Variants in S1PR2 observed in about 807,000 individuals in gnomAD.
S1PR2 encodes sphingosine 1-phosphate receptor 2.
A neutral mutation model predicts 16.1 loss-of-function variants in S1PR2; 9 were observed. That is an observed-to-expected ratio of 0.56 (90% CI 0.34 to 0.98). The LOEUF is 0.98. Ranked by LOEUF, S1PR2 falls within the 50% of genes least tolerant of loss-of-function variation. The probability of loss-of-function intolerance (pLI) is 0.02; values close to 1 mark genes in which losing one functional copy is unlikely to be tolerated. For synonymous variants in S1PR2, 224 were observed against 233.9 expected (o/e 0.96, Z 0.38); for missense variants, 361 against 488.4 (o/e 0.74, Z 2.46).
intron 1 of S1PR2, among the ~76,000 whole-genome samples, chr19:10,226,845 A>G (rs986102398): frequency 2.6e-5 from 4 of 151,946 alleles, no homozygotes; most frequent in African/African-American, 9.7e-5. Flanking sequence ...AGCTTTGCTG[A>G]AGTCATGTGA....
At chr19:10,225,056 G>T (rs762914426) in intron 1 of S1PR2, 109 bp from the exon 2 acceptor site, 37 of 619,692 alleles carry the variant, frequency 6.0e-5, no homozygotes, top group Non-Finnish European at 9.6e-5. Flanking sequence ...GTTACTCTTC[G>T]AGGAAGGGCC....
chr19:10,226,819 G>A (rs2039637941), intron 1 of S1PR2, among the ~76,000 whole-genome samples: 1 of 152,148 alleles, frequency 6.6e-6, no homozygotes, highest in East Asian at 1.9e-4. Flanking sequence ...GGAGGTCCTG[G>A]CTGGGAGGAT....
In S1PR2 at chr19:10,224,261, C is replaced by A. The variant is rs2145440993; in HGVS notation, c.645G>T (p.Val215=). Residue 215 remains valine, a synonymous_variant, in exon 2 of 2, where the codon GTG becomes GTT. Transcript: ENST00000646641. ...IVALYVRIYC[V]VRSSHADMAA... ...CCATGTCAGCGTGGCTTGAGCGGACCACGCAGTAGATGCGCACGTACAGGG... is the reference window on the plus strand; with the variant it reads ...CCATGTCAGCGTGGCTTGAGCGGACAACGCAGTAGATGCGCACGTACAGGG... 1.2e-6 allele frequency: 2 copies of A among 1,613,978 alleles called. No individual in the cohort carries two copies. The highest frequency in any genetic ancestry group is 1.6e-4 in the Middle Eastern group (1 of 6,062).
intron 1 of S1PR2, among the ~76,000 whole-genome samples, chr19:10,229,667 C>G (rs1361223010): frequency 6.6e-6 from 1 of 152,044 alleles, no homozygotes; most frequent in Non-Finnish European, 1.5e-5. Flanking sequence ...CCCTGGTCAC[C>G]CATGGAGCCC....
intron 1 of S1PR2, among the ~76,000 whole-genome samples, chr19:10,230,255 C>T (rs538131507): frequency 1.3e-5 from 2 of 152,338 alleles, no homozygotes; most frequent in East Asian, 1.9e-4. Flanking sequence ...CGCGCGGGAG[C>T]CACGCCTCCT....
chr19:10,228,661 C>G (rs2039650983), intron 1 of S1PR2, among the ~76,000 whole-genome samples: 1 of 152,202 alleles, frequency 6.6e-6, no homozygotes, highest in Non-Finnish European at 1.5e-5. Context: ...ATGTCCCCTC[C>G]CTGTGTAAGG....
chr19:10,227,258 T>A (rs1320738996), intron 1 of S1PR2, among the ~76,000 whole-genome samples: 4 of 152,126 alleles, frequency 2.6e-5, no homozygotes, highest in Non-Finnish European at 5.9e-5. Flanking sequence ...GTGTGCACCG[T>A]TCCAGAAAAG....
Position 10,224,484 on chromosome 19 carries a change from C to A in S1PR2, c.422G>T (p.Gly141Val). The A allele has an allele frequency of 6.2e-7, 1 of 1,613,872 alleles. No individual in the cohort carries two copies. ...HVAIAKVKLY[G>V]SDKSCRMLLL... ...AAGCATGCGGCAGCTCTTGTCGCTG[C>A]CATACAGCTTGACCTTGGCAATGGC... The change falls in exon 2 of 2, where the codon GGC (glycine) becomes GTC (valine). Residue 141 changes from glycine (G) to valine (V), a missense_variant. By Grantham distance (109) the Gly-to-Val change is moderately radical. Coordinates refer to ENST00000646641, the MANE Select transcript of S1PR2 (RefSeq NM_004230.4).
At chr19:10,226,052 C>T (rs76850638) in intron 1 of S1PR2, among the ~76,000 whole-genome samples, 11,278 of 152,242 alleles carry the variant, frequency 0.074, 1,403 homozygotes, top group African/African-American at 0.26. Context: ...CCTTGCCCAC[C>T]TACCCAGAGA....
intron 1 of S1PR2, among the ~76,000 whole-genome samples, chr19:10,226,354 C>T (rs1049969439): frequency 6.6e-6 from 1 of 152,222 alleles, no homozygotes; most frequent in Non-Finnish European, 1.5e-5. Context: ...AATTTGCTCC[C>T]ATTCCACCTC....
At chr19:10,227,783 A>C (rs930895449) in intron 1 of S1PR2, among the ~76,000 whole-genome samples, 1 of 152,164 alleles carries the variant, frequency 6.6e-6, no homozygotes, top group Non-Finnish European at 1.5e-5. Flanking sequence ...TTCTGAGGAT[A>C]GAGTTAATGC....
chr19:10,229,726 A>T (rs1411907300), intron 1 of S1PR2, among the ~76,000 whole-genome samples: 1 of 152,148 alleles, frequency 6.6e-6, no homozygotes, highest in African/African-American at 2.4e-5. Flanking sequence ...TTTAAAGGTC[A>T]CTTCCTCAGA....
Position 10,223,934 on chromosome 19 carries a change from G to T in S1PR2, c.972C>A (p.His324Gln), listed in dbSNP as rs370704501. The change falls in exon 2 of 2, where the codon CAC becomes CAA. Residue 324 changes from histidine (H) to glutamine (Q), a missense_variant. Transcript: ENST00000646641. Reference sequence around the variant, plus strand: ...AGCTGGAGCTGCGGAGTGGCAGGAGGTGGTGGCCCGGGGTCCCGCCCCGCC... The same window carrying T: ...AGCTGGAGCTGCGGAGTGGCAGGAGTTGGTGGCCCGGGGTCCCGCCCCGCC... ...GRRRGGTPGH[H>Q]LLPLRSSSSL... is the part of the protein sequence containing the mutation. The T allele has an allele frequency of 6.2e-7, 1 of 1,604,028 alleles. No individual in the cohort carries two copies. The highest frequency in any genetic ancestry group is 1.3e-5 in the African/African-American group (1 of 74,844).
At position 10,222,579 on chromosome 19, in the gene S1PR2, C is replaced by T. The variant is rs1347268001; in HGVS notation, c.*1265G>A. On this transcript the variant is annotated 3_prime_UTR_variant, in exon 2 of 2. Transcript: ENST00000646641. Reference sequence around the variant, plus strand: ...TTATTCTGTGCCCCAAATAGTGCAACTGAGCAATGAGGTCTGAGAATGAGG... The same window carrying T: ...TTATTCTGTGCCCCAAATAGTGCAATTGAGCAATGAGGTCTGAGAATGAGG... 1 of 152,340 alleles carries T rather than the reference C, an allele frequency of 6.6e-6. No individual in the cohort carries two copies. Among genetic ancestry groups the T allele is most frequent in the Non-Finnish European group, 1.5e-5 (1 of 68,046 alleles). The allele number at this position is 152,340 out of a possible 1,614,324, so 9.4% of individuals were successfully genotyped here. A position where few individuals can be genotyped will look rare whatever the true frequency, so the allele number is the denominator to read the frequency against.
chr19:10,222,487 G>A lies in S1PR2; in HGVS notation c.*1357C>T, dbSNP rs528137879. The A allele has an allele frequency of 2.0e-5, 3 of 152,332 alleles. No homozygotes were observed. The highest frequency in any genetic ancestry group is 2.0e-4 in the Admixed American group (3 of 15,262). 9.4% of individuals were successfully genotyped at this position (152,332 alleles called of 1,614,324 possible). ...ATCACACCCAGAATTTTCTCAAGTT[G>A]CGCCTTGCATCAAGAGTCCCAAAGT... is the stretch of plus-strand genomic sequence containing the variant. On this transcript the variant is annotated 3_prime_UTR_variant, in exon 2 of 2. Coordinates refer to ENST00000646641, the MANE Select transcript of S1PR2 (RefSeq NM_004230.4).
chr19:10,223,525 C>T lies in S1PR2; in HGVS notation c.*319G>A. On this transcript the variant is annotated 3_prime_UTR_variant, in exon 2 of 2. Coordinates refer to ENST00000646641, the MANE Select transcript of S1PR2 (RefSeq NM_004230.4). ...ATCCTTTGTACCAGGTGGTAAAGTG[C>T]TCCTGCCCTGAGCTCCCCTTAAATG... The T allele has an allele frequency of 2.8e-6, 1 of 352,734 alleles. No homozygotes were observed. The highest frequency in any genetic ancestry group is 4.3e-5 in the East Asian group (1 of 23,122). The allele number at this position is 352,734 out of a possible 1,614,324, so 21.9% of individuals were successfully genotyped here. A position where few individuals can be genotyped will look rare whatever the true frequency, so the allele number is the denominator to read the frequency against.
intron 1 of S1PR2, among the ~76,000 whole-genome samples, chr19:10,229,358 C>T (rs1309399934): frequency 1.3e-5 from 2 of 150,598 alleles, no homozygotes; most frequent in African/African-American, 2.5e-5. Flanking sequence ...GGTGTGATCT[C>T]GGCTCACCAC....
At chr19:10,229,628 A>G (rs2039656747) in intron 1 of S1PR2, among the ~76,000 whole-genome samples, 1 of 152,090 alleles carries the variant, frequency 6.6e-6, no homozygotes, top group Non-Finnish European at 1.5e-5. Context: ...CCCATCTTTC[A>G]GAAAGGCAGG....
chr19:10,224,956 A>C lies in S1PR2; in HGVS notation c.-42-9T>G. On this transcript the variant is annotated splice_polypyrimidine_tract_variant and intron_variant, in intron 1 of 1. Coordinates refer to ENST00000646641, the MANE Select transcript of S1PR2 (RefSeq NM_004230.4). ...CCATGGGGCTTTCAGAACTGCAGAG[A>C]AGACAGACAGACAGACAGACAATAG... The C allele has an allele frequency of 1.4e-6, 2 of 1,454,198 alleles. No individual in the cohort carries two copies. Among genetic ancestry groups the C allele is most frequent in the Non-Finnish European group, 1.9e-6 (2 of 1,064,080 alleles). The allele number at this position is 1,454,198 out of a possible 1,614,324, so 90.1% of individuals were successfully genotyped here.
Sources: allele counts gnomAD v4.1 joint callset (sites outside exome capture counted in the v4.1 genomes callset), GRCh38; gene constraint gnomAD v4.1.1; transcripts MANE v1.5; gene names NCBI Gene and HGNC (gene_info 2026-07-23, HGNC 2026-07-21).